Variants in ANKRD24 observed in about 807,000 individuals in gnomAD.
ANKRD24 encodes ankyrin repeat domain 24.
In ANKRD24, 109 loss-of-function variants were observed where a neutral mutation model predicts 127.8. The ratio of observed to expected loss-of-function variants is 0.85; its 90% confidence interval spans 0.73 to 1.00. ANKRD24 has a LOEUF of 1.00. ANKRD24 is among the 50% of genes least tolerant of loss of function. The pLI is 0.00. For synonymous variants in ANKRD24, 743 were observed against 671.1 expected (o/e 1.11, Z -1.66); for missense variants, 1,648 against 1,570.2 (o/e 1.05, Z -0.84).
intron 18 of ANKRD24, among the ~76,000 whole-genome samples, chr19:4,219,356 A>C (rs1970318248): frequency 6.6e-6 from 1 of 152,076 alleles, no homozygotes; most frequent in Admixed American, 6.6e-5. Flanking sequence ...GGTCCCAGCT[A>C]CTTGGAAGGC....
At chr19:4,219,529 C>T (rs1161420813) in intron 18 of ANKRD24, 62 bp from the exon 19 acceptor site, 1 of 1,513,354 alleles carries the variant, frequency 6.6e-7, no homozygotes, top group African/African-American at 1.4e-5. Flanking sequence ...CATATGAATT[C>T]TGGGGTCTAG....
In ANKRD24 at chr19:4,202,856, G is replaced by A. The variant is rs370472657; in HGVS notation, c.409-13G>A. The A allele has an allele frequency of 6.3e-6, 10 of 1,582,764 alleles. No homozygotes were observed. The highest frequency in any genetic ancestry group is 2.7e-5 in the African/African-American group (2 of 73,992). ...AGGATGGCTCCGCCTCAAAGGACTCGCCCCATCCCCAGGCTTCCTGCGTGG... is the reference window on the plus strand; with the variant it reads ...AGGATGGCTCCGCCTCAAAGGACTCACCCCATCCCCAGGCTTCCTGCGTGG... On this transcript the variant is annotated splice_polypyrimidine_tract_variant and intron_variant, in intron 6 of 21. Coordinates refer to ENST00000318934, the MANE Select transcript of ANKRD24 (RefSeq NM_001393985.1).
At position 4,224,121 on chromosome 19, in the gene ANKRD24, C is replaced by A; in HGVS notation, c.3298-6C>A. On this transcript the variant is annotated splice_region_variant and splice_polypyrimidine_tract_variant and intron_variant, in intron 20 of 21. Transcript: ENST00000318934. Reference sequence around the variant, plus strand: ...TCTTCTGAGCGCCCCTTCCTCATGCCCACAGGAAGCTGCCAGGGACCACTC... The same window carrying A: ...TCTTCTGAGCGCCCCTTCCTCATGCACACAGGAAGCTGCCAGGGACCACTC... The A allele has an allele frequency of 6.2e-7, 1 of 1,612,170 alleles. No homozygotes were observed. The highest frequency in any genetic ancestry group is 1.3e-5 in the African/African-American group (1 of 75,004).
chr19:4,184,336 C>T (rs1411069558), intron 1 of ANKRD24, among the ~76,000 whole-genome samples: 2 of 152,178 alleles, frequency 1.3e-5, no homozygotes, highest in Non-Finnish European at 2.9e-5. Flanking sequence ...GGGAGAGGCC[C>T]AGGACGGAGG....
In ANKRD24 at chr19:4,219,749, G is replaced by A. The variant is rs1374569127; in HGVS notation, c.3162G>A (p.Lys1054=). ...AGGCTCTGGACAAGGCCAAGGAGAA[G>A]GACAAGAAGGTGGGTGCCCCCTCTC... The part of the protein sequence containing the change: ...AQEALDKAKE[K]DKKITELSKE... The change falls in exon 19 of 22, where the codon AAG becomes AAA. Residue 1054 remains lysine (K), a synonymous_variant. Transcript: ENST00000318934. The A allele has an allele frequency of 1.2e-6, 2 of 1,603,348 alleles. No individual in the cohort carries two copies. Among genetic ancestry groups the A allele is most frequent in the East Asian group, 4.5e-5 (2 of 44,664 alleles).
intron 11 of ANKRD24, 61 bp from the exon 12 acceptor site, chr19:4,209,997 G>C: frequency 2.0e-6 from 2 of 1,023,628 alleles, no homozygotes; most frequent in Non-Finnish European, 1.5e-6. Context: ...GGTTTACTGT[G>C]GGGGAGGCTG....
intron 18 of ANKRD24, 61 bp downstream of exon 18, chr19:4,218,224 A>T (rs1050270307): frequency 1.4e-6 from 2 of 1,381,696 alleles, no homozygotes; most frequent in Non-Finnish European, 1.9e-6. Context: ...GGCCTGTTTT[A>T]GCCCCGCAGC....
rs540899522 is a variant in ANKRD24 at position 4,199,807 on chromosome 19, C to T, written c.123+38C>T. Reference sequence around the variant, plus strand: ...GGGCAGGTGGTGAGAGCCCGGAGCCCCTGTCGGGGGCGTGGGGAGGGGACA... The same window carrying T: ...GGGCAGGTGGTGAGAGCCCGGAGCCTCTGTCGGGGGCGTGGGGAGGGGACA... On this transcript the variant is annotated intron_variant, in intron 3 of 21. Transcript: ENST00000318934. This position sits in a 1 kb window ranked among gnomAD's most constrained non-coding sequence, Gnocchi z 5.2. 1.3e-6 allele frequency: 2 copies of T among 1,507,402 alleles called. No homozygotes were observed. Among genetic ancestry groups the T allele is most frequent in the Admixed American group, 2.1e-5 (1 of 47,966 alleles). 93.4% of individuals were successfully genotyped at this position (1,507,402 alleles called of 1,614,324 possible). A position where few individuals can be genotyped will look rare whatever the true frequency, so the allele number is the denominator to read the frequency against.
chr19:4,210,214 G>GA, intron 12 of ANKRD24, 51 bp from the exon 13 acceptor site: 2 of 1,562,472 alleles, frequency 1.3e-6, no homozygotes, highest in Non-Finnish European at 1.7e-6. Context: ...TGAGACCTGG[G>GA]ATGGGGCAAC....
At chr19:4,197,643 G>A (rs1473538925) in intron 2 of ANKRD24, among the ~76,000 whole-genome samples, 2 of 152,088 alleles carry the variant, frequency 1.3e-5, no homozygotes, top group Non-Finnish European at 2.9e-5. Context: ...ACGAATGAAC[G>A]AGTAAATGAA....
In ANKRD24 at chr19:4,207,942, C is replaced by T. The variant is rs1456915086; in HGVS notation, c.806C>T (p.Ala269Val). The T allele has an allele frequency of 7.2e-6, 11 of 1,526,690 alleles. No individual in the cohort carries two copies. The highest frequency in any genetic ancestry group is 6.9e-5 in the African/African-American group (5 of 72,132). 94.6% of individuals were successfully genotyped at this position (1,526,690 alleles called of 1,614,324 possible). The change falls in exon 10 of 22, where the codon GCG becomes GTG. Residue 269 changes from alanine (A) to valine (V), a missense_variant. Coordinates refer to ENST00000318934, the MANE Select transcript of ANKRD24 (RefSeq NM_001393985.1). ...DKLILHLLQE[A>V]AQRPSPPSAL... ...CTCATCCTGCACCTTCTGCAAGAGG[C>T]GGCCCAGCGCCCCTCCCCACCCAGC...
At chr19:4,206,119 G>A (rs1343607436) in intron 7 of ANKRD24, among the ~76,000 whole-genome samples, 1 of 151,932 alleles carries the variant, frequency 6.6e-6, no homozygotes, top group Non-Finnish European at 1.5e-5. Context: ...TCCAGCCTGG[G>A]TGACCAGAGC....
At chr19:4,212,149 G>A (rs10408634) in intron 13 of ANKRD24, among the ~76,000 whole-genome samples, 20,466 of 150,466 alleles carry the variant, frequency 0.14, 1,521 homozygotes, top group African/African-American at 0.15. Flanking sequence ...GCAGTGAGCC[G>A]AGATCACACC....
chr19:4,218,100 G>C lies in ANKRD24; in HGVS notation c.2940G>C (p.Gln980His). The C allele has an allele frequency of 6.5e-7, 1 of 1,544,394 alleles. No homozygotes were observed. Among genetic ancestry groups the C allele is most frequent in the Non-Finnish European group, 8.7e-7 (1 of 1,147,440 alleles). Reference protein sequence around the residue: ...IVGTLQANVAQLEGQLEELGR... With the variant: ...IVGTLQANVAHLEGQLEELGR... ...GCACCCTGCAGGCCAACGTGGCCCA[G>C]CTGGAGGGGCAGCTGGAGGAGCTGG... The change falls in exon 18 of 22, where the codon CAG becomes CAC. Residue 980 changes from glutamine to histidine, a missense_variant. Gln to His is a conservative substitution (Grantham distance 24, BLOSUM62 0). Transcript: ENST00000318934.
chr19:4,223,395 ATATATATT>A (rs541107742), intron 20 of ANKRD24, among the ~76,000 whole-genome samples: 1,913 of 58,288 alleles, frequency 0.033, 9 homozygotes, highest in East Asian at 0.11. Flanking sequence ...ATATATATAT[ATATATATT>A]TTTTTTTTTT....
At position 4,222,745 on chromosome 19, in the gene ANKRD24, G is replaced by C. The variant is rs370271902; in HGVS notation, c.3247G>C (p.Glu1083Gln). 2 of 1,611,772 alleles carry C rather than the reference G, an allele frequency of 1.2e-6. No individual in the cohort carries two copies. Among genetic ancestry groups the C allele is most frequent in the Admixed American group, 3.3e-5 (2 of 59,776 alleles). The change falls in exon 20 of 22, where the codon GAG (glutamate) becomes CAG (glutamine). Residue 1083 changes from glutamate to glutamine, a missense_variant. Transcript: ENST00000318934. ...GCAGCCGGCCGCCCTCGCCACCCCT[G>C]AGGTGGAGGCTCTCCGTGACCAGGT... ...KEQPAALATP[E>Q]VEALRDQVKD...
intron 2 of ANKRD24, among the ~76,000 whole-genome samples, chr19:4,191,370 A>G (rs1028243699): frequency 4.3e-4 from 65 of 151,782 alleles, no homozygotes; most frequent in Middle Eastern, 3.4e-3. Context: ...AGCCACTGCT[A>G]CCCCTCTCCT....
intron 20 of ANKRD24, 137 bp from the exon 21 acceptor site, chr19:4,223,990 A>G (rs958403489): frequency 3.2e-5 from 22 of 685,640 alleles, no homozygotes; most frequent in Non-Finnish European, 4.8e-5. Flanking sequence ...GTATGCCACT[A>G]TGCCCCGCCA....
rs1298890520 is a variant in ANKRD24, at chr19:4,217,153, C to T, written c.1993C>T (p.Pro665Ser). Residue 665 changes from proline (P) to serine (S), a missense_variant, in exon 18 of 22, where the codon CCA becomes TCA. Pro to Ser is a moderately conservative substitution (Grantham distance 74). Transcript: ENST00000318934. ...AGTGGGTGCTGGGCAAGCAGAGCCCCCAGTCACAGGGACCACAAACATGGA... is the reference window on the plus strand; with the variant it reads ...AGTGGGTGCTGGGCAAGCAGAGCCCTCAGTCACAGGGACCACAAACATGGA... ...YGVGAGQAEP[P>S]VTGTTNMEAT... The T allele has an allele frequency of 1.2e-6, 2 of 1,613,152 alleles. No individual in the cohort carries two copies. Among genetic ancestry groups the T allele is most frequent in the Non-Finnish European group, 1.7e-6 (2 of 1,179,600 alleles).
Sources: allele counts gnomAD v4.1 joint callset (sites outside exome capture counted in the v4.1 genomes callset), GRCh38; gene constraint gnomAD v4.1.1; non-coding constraint Gnocchi (gnomAD v3.1); transcripts MANE v1.5; gene names NCBI Gene and HGNC (gene_info 2026-07-23, HGNC 2026-07-21).